TLL1: variants seen among roughly 807,000 people sequenced by gnomAD.
TLL1 encodes the protein tolloid like 1, also known as tolloid-like protein 1.
TLL1 carries 49 observed loss-of-function variants against 128.2 expected under a neutral mutation model. That is an observed-to-expected ratio of 0.38 (90% CI 0.30 to 0.48). The LOEUF (loss-of-function observed/expected upper bound fraction) is 0.48, where lower values mean the gene tolerates loss of function less well. Ranked by LOEUF, TLL1 falls within the 20% of genes least tolerant of loss-of-function variation. TLL1 has a pLI of 0.96. For missense variants in TLL1, 1,123 were observed against 1,242.0 expected, an observed-to-expected ratio of 0.90 and a Z score of 1.44; for synonymous variants, 454 against 418.8, an observed-to-expected ratio of 1.08 and a Z score of -1.03.
intron 18 of TLL1, among the ~76,000 whole-genome samples, chr4:166,082,461 G>A (rs749390107): frequency 1.3e-5 from 2 of 152,014 alleles, no homozygotes; most frequent in South Asian, 4.1e-4. Context: ...GTTATCTAGT[G>A]TTATCTACTT....
chr4:166,042,370 G>A (rs1739277728), intron 11 of TLL1, among the ~76,000 whole-genome samples: 1 of 152,196 alleles, frequency 6.6e-6, no homozygotes, highest in Non-Finnish European at 1.5e-5. Context: ...TTCAGGATGT[G>A]TGGAGAAAAA....
intron 1 of TLL1, among the ~76,000 whole-genome samples, chr4:165,950,329 C>G (rs1734453008): frequency 6.6e-6 from 1 of 152,036 alleles, no homozygotes. Flanking sequence ...CATTTGGAGA[C>G]TTTAGCATTC....
chr4:165,972,118 C>T (rs1735656196), intron 1 of TLL1, among the ~76,000 whole-genome samples: 1 of 152,138 alleles, frequency 6.6e-6, no homozygotes, highest in Non-Finnish European at 1.5e-5. Flanking sequence ...TTGTGCCAGC[C>T]ACCTGTGTGA....
chr4:166,023,957 T>A, intron 8 of TLL1, among the ~76,000 whole-genome samples: 1 of 152,148 alleles, frequency 6.6e-6, no homozygotes, highest in Non-Finnish European at 1.5e-5. Context: ...CAAATCATTG[T>A]TTAGCATTTA....
At chr4:166,068,226 T>G (rs1740661622) in intron 16 of TLL1, among the ~76,000 whole-genome samples, 1 of 151,716 alleles carries the variant, frequency 6.6e-6, no homozygotes. Context: ...AAAGGGAAGG[T>G]TAAAAACATG....
rs1336682876 is a variant in TLL1, at chr4:166,099,297, G to T, written c.2677G>T (p.Ala893Ser). 6.2e-7 allele frequency: 1 copy of T among 1,613,468 alleles called. No homozygotes were observed. The change falls in exon 20 of 21, where the codon GCA (alanine) becomes TCA (serine). Residue 893 changes from alanine to serine, a missense_variant. Around this residue, in one of 3 missense-constraint regions of TLL1, gnomAD observed 634 missense variants for 672.4 expected, o/e 0.94. Coordinates refer to ENST00000061240, the MANE Select transcript of TLL1 (RefSeq NM_012464.5). ...GGCAGAGTGTGGCGGACGATTGAAA[G>T]CAGAATCAAAACCAAGAGATCTGTA... The part of the protein sequence containing the change: ...HSTECGGRLK[A>S]ESKPRDLYSH...
chr4:165,972,727 G>T (rs1023461307), intron 1 of TLL1, among the ~76,000 whole-genome samples: 3 of 152,040 alleles, frequency 2.0e-5, no homozygotes, highest in African/African-American at 2.4e-5. Flanking sequence ...TATAATAATT[G>T]GATATTACCC....
chr4:166,050,723 C>T (rs140266523), intron 12 of TLL1, among the ~76,000 whole-genome samples: 96 of 152,254 alleles, frequency 6.3e-4, no homozygotes, highest in South Asian at 1.5e-3. Context: ...CAGAGCTCAC[C>T]CACATGCACT....
intron 1 of TLL1, among the ~76,000 whole-genome samples, chr4:165,884,558 G>A (rs1162504650): frequency 6.6e-6 from 1 of 152,188 alleles, no homozygotes; most frequent in African/African-American, 2.4e-5. Context: ...ACTTGTGGCT[G>A]GGCGCAGTGG....
chr4:166,058,721 A>G (rs1740146512), intron 14 of TLL1, among the ~76,000 whole-genome samples: 1 of 152,156 alleles, frequency 6.6e-6, no homozygotes. Flanking sequence ...TAGAATGTGT[A>G]GCAGTTTAAC....
rs1330395505 is a variant in TLL1, at chr4:166,018,483, A to G, written c.1042+3923A>G. On this transcript the variant is annotated intron_variant, in intron 8 of 20. Coordinates refer to ENST00000061240, the MANE Select transcript of TLL1 (RefSeq NM_012464.5). ...CTTAATTAAACTAAAGGGCTTCTACACTGCAAAAGAAACTATCAACAAAGC... is the reference window on the plus strand; with the variant it reads ...CTTAATTAAACTAAAGGGCTTCTACGCTGCAAAAGAAACTATCAACAAAGC... 2.5e-4 allele frequency among the ~76,000 whole-genome samples: 38 copies of G among 152,170 alleles called. 1 individual carries two copies. The highest frequency in any genetic ancestry group is 2.5e-3 in the Admixed American group (38 of 15,258).
At chr4:165,877,622 G>A (rs1730773205) in intron 1 of TLL1, among the ~76,000 whole-genome samples, 2 of 152,112 alleles carry the variant, frequency 1.3e-5, no homozygotes, top group Non-Finnish European at 2.9e-5. Flanking sequence ...TTGTAAGTTA[G>A]TCTTCTGCCA....
intron 1 of TLL1, among the ~76,000 whole-genome samples, chr4:165,969,326 C>T (rs1486587655): frequency 1.3e-5 from 2 of 151,968 alleles, no homozygotes; most frequent in Admixed American, 6.6e-5. Context: ...AGTAGTCTAT[C>T]TTATCATTAT....
chr4:165,940,962 A>T (rs1733980598), intron 1 of TLL1, among the ~76,000 whole-genome samples: 1 of 151,974 alleles, frequency 6.6e-6, no homozygotes, highest in South Asian at 2.1e-4. Context: ...TGTCTCTTAG[A>T]TTGCTTATTT....
intron 1 of TLL1, among the ~76,000 whole-genome samples, chr4:165,981,796 G>A (rs891349409): frequency 1.3e-5 from 2 of 151,942 alleles, no homozygotes; most frequent in African/African-American, 4.8e-5. Flanking sequence ...TTTTCCTTTA[G>A]TAAATGTTTT....
At chr4:166,012,768 T>C (rs1737756219) in intron 7 of TLL1, among the ~76,000 whole-genome samples, 1 of 151,748 alleles carries the variant, frequency 6.6e-6, no homozygotes. Context: ...CGTAAATCAC[T>C]AGCTCTACTT....
chr4:166,030,299 A>T (rs375994792), intron 9 of TLL1, among the ~76,000 whole-genome samples: 1 of 152,092 alleles, frequency 6.6e-6, no homozygotes. Context: ...AGCCATTTGT[A>T]TATCGTCCTT....
At chr4:165,981,299 A>G (rs993526023) in intron 1 of TLL1, among the ~76,000 whole-genome samples, 8 of 152,102 alleles carry the variant, frequency 5.3e-5, no homozygotes, top group Non-Finnish European at 8.8e-5. Context: ...GCAAAATAAA[A>G]TGCACAGAAA....
At chr4:165,965,653 G>A (rs1314107245) in intron 1 of TLL1, among the ~76,000 whole-genome samples, 1 of 152,198 alleles carries the variant, frequency 6.6e-6, no homozygotes, top group Non-Finnish European at 1.5e-5. Flanking sequence ...GCACCTTCAT[G>A]TCAGCATAGA....
Sources: allele counts gnomAD v4.1 joint callset (sites outside exome capture counted in the v4.1 genomes callset), GRCh38; gene constraint gnomAD v4.1.1; regional missense constraint gnomAD v4.1.1; transcripts MANE v1.5; gene names NCBI Gene and HGNC (gene_info 2026-07-23, HGNC 2026-07-21).